Variants in NAA25 observed in about 807,000 individuals in gnomAD.
NAA25 encodes the protein N-alpha-acetyltransferase 25, NatB auxiliary subunit, also known as N-terminal acetyltransferase B complex subunit NAA25.
A neutral mutation model predicts 132.5 loss-of-function variants in NAA25; 30 were observed. That is an observed-to-expected ratio of 0.23 (90% CI 0.17 to 0.31). NAA25 has a LOEUF of 0.31. NAA25 is among the 10% of genes least tolerant of loss of function. The pLI, the probability that NAA25 is intolerant of heterozygous loss-of-function variation, is 1.00. For synonymous variants in NAA25, 359 were observed against 401.9 expected (o/e 0.89, Z 1.28); for missense variants, 771 against 1,150.4 (o/e 0.67, Z 4.77).
intron 21 of NAA25, 185 bp from the exon 22 acceptor site, chr12:112,039,524 G>C: frequency 4.3e-6 from 2 of 469,636 alleles, no homozygotes; most frequent in Non-Finnish European, 7.5e-6. Context: ...ATCATCTCCT[G>C]CTCAGAATAC....
rs752248545 is a variant in NAA25, at chr12:112,078,238, C to T, written c.614G>A (p.Arg205His). Residue 205 changes from arginine to histidine, a missense_variant, in exon 7 of 24, where the codon CGT becomes CAT. Arg to His is a conservative substitution (Grantham distance 29, BLOSUM62 0). Coordinates refer to ENST00000261745, the MANE Select transcript of NAA25 (RefSeq NM_024953.4). ...CAAGGCCTCCTGGTACTTTCCCAAA[C>T]GTTCCAGGATCATATAATAAAGTTC... The part of the protein sequence containing the change: ...EVELYYMILE[R>H]LGKYQEALDV... The T allele has an allele frequency of 1.3e-5, 21 of 1,609,808 alleles. No homozygotes were observed. The highest frequency in any genetic ancestry group is 2.7e-5 in the African/African-American group (2 of 74,640).
chr12:112,047,666 T>C lies in NAA25; in HGVS notation c.2005A>G (p.Arg669Gly). The change falls in exon 17 of 24, where the codon AGG (arginine) becomes GGG (glycine). Residue 669 changes from arginine (R) to glycine (G), a missense_variant and splice_region_variant. Arg to Gly is a moderately radical substitution (Grantham distance 125). This residue lies in a region of NAA25 where 324 missense variants were observed against 400.0 expected (regional missense o/e 0.81). Coordinates refer to ENST00000261745, the MANE Select transcript of NAA25 (RefSeq NM_024953.4). ...NVFFSWDPKD[R>G]DVSEEHKKLS... ...TGCTTGGGGTTAAATTCCAGTTACC[T>C]GTCTTTTGGATCCCAGCTGAAAAAA... 1 of 1,607,934 alleles carries C rather than the reference T, an allele frequency of 6.2e-7. No homozygotes were observed. The highest frequency in any genetic ancestry group is 2.2e-5 in the East Asian group (1 of 44,858).
chr12:112,080,177 A>G (rs754766570), intron 5 of NAA25, among the ~76,000 whole-genome samples: 1 of 146,514 alleles, frequency 6.8e-6, no homozygotes, highest in Non-Finnish European at 1.5e-5. Flanking sequence ...GCTACTCAGG[A>G]GGCTGAGGCA....
At chr12:112,079,256 C>A (rs1367052849) in intron 5 of NAA25, among the ~76,000 whole-genome samples, 1 of 152,096 alleles carries the variant, frequency 6.6e-6, no homozygotes, top group Non-Finnish European at 1.5e-5. Flanking sequence ...TGTAAACAAC[C>A]TTTCAAGGTA....
Position 112,029,498 on chromosome 12 carries a change from G to A in NAA25, c.*33C>T, listed in dbSNP as rs1593735070. The A allele has an allele frequency of 6.2e-7, 1 of 1,613,326 alleles. No homozygotes were observed. Among genetic ancestry groups the A allele is most frequent in the Non-Finnish European group, 8.5e-7 (1 of 1,179,648 alleles). ...TGGGAAGATGGTGTCATATTCTGTT[G>A]CAGAGTCATCAGTGCCCATGATAGA... On this transcript the variant is annotated 3_prime_UTR_variant, in exon 24 of 24. Coordinates refer to ENST00000261745, the MANE Select transcript of NAA25 (RefSeq NM_024953.4).
At chr12:112,093,696 T>C (rs758168307) in intron 1 of NAA25, among the ~76,000 whole-genome samples, 28 of 152,054 alleles carry the variant, frequency 1.8e-4, no homozygotes, top group Non-Finnish European at 2.6e-4. Context: ...CTCTGACAAC[T>C]TAGTGAGACC....
chr12:112,094,694 CAGTCGCCCA>C (rs2079187122), intron 1 of NAA25, among the ~76,000 whole-genome samples: 1 of 152,126 alleles, frequency 6.6e-6, no homozygotes, highest in Non-Finnish European at 1.5e-5. Context: ...GGGTCTTGCT[CAGTCGCCCA>C]AGTTGGAGTG....
At chr12:112,037,195 TATG>T (rs1181402309) in intron 22 of NAA25, among the ~76,000 whole-genome samples, 4 of 149,226 alleles carry the variant, frequency 2.7e-5, no homozygotes, top group African/African-American at 9.8e-5. Context: ...AAATGAAAAT[TATG>T]ATAATGGCTT....
intron 11 of NAA25, among the ~76,000 whole-genome samples, chr12:112,066,362 C>G (rs762619313): frequency 4.6e-5 from 7 of 152,214 alleles, no homozygotes; most frequent in Non-Finnish European, 1.0e-4. Context: ...TCCCTCCCAC[C>G]TGGTTTATCT....
rs956493848 is a variant in NAA25, at chr12:112,047,751, A to G, written c.1920T>C (p.Leu640=). 3.7e-6 allele frequency: 6 copies of G among 1,613,592 alleles called. No individual in the cohort carries two copies. The highest frequency in any genetic ancestry group is 2.5e-6 in the Non-Finnish European group (3 of 1,179,776). The stretch of plus-strand genomic sequence containing the variant: ...ATGGAATGTCATCTTCTTCTGGCCT[A>G]AGGTTCATTGACTTTATACTTTCTG... The part of the protein sequence containing the change: ...SLAESIKSMN[L]RPEEDDIPWE... Residue 640 remains leucine (L), a synonymous_variant, in exon 17 of 24, where the codon CTT becomes CTC. Coordinates refer to ENST00000261745, the MANE Select transcript of NAA25 (RefSeq NM_024953.4).
chr12:112,082,084 C>T (rs1316241954), intron 4 of NAA25, among the ~76,000 whole-genome samples: 1 of 152,024 alleles, frequency 6.6e-6, no homozygotes, highest in African/African-American at 2.4e-5. Context: ...AACCCCATCT[C>T]TACTAAAAAT....
At chr12:112,079,810 C>T (rs1026488584) in intron 5 of NAA25, among the ~76,000 whole-genome samples, 1 of 152,108 alleles carries the variant, frequency 6.6e-6, no homozygotes, top group African/African-American at 2.4e-5. Flanking sequence ...TAAAAGAAGG[C>T]CACCCAGTTC....
chr12:112,047,586 A>G, intron 17 of NAA25, 79 bp downstream of exon 17: 6 of 1,518,524 alleles, frequency 4.0e-6, no homozygotes, highest in Non-Finnish European at 5.4e-6. Flanking sequence ...AGCTGCAGTG[A>G]GCTATGATCT....
intron 13 of NAA25, among the ~76,000 whole-genome samples, chr12:112,055,868 G>T (rs563139049): frequency 6.6e-6 from 1 of 152,278 alleles, no homozygotes; most frequent in East Asian, 1.9e-4. Context: ...CATGCAGTAA[G>T]ATTTTAAGGT....
At chr12:112,077,864 G>A (rs1460428623) in intron 7 of NAA25, among the ~76,000 whole-genome samples, 1 of 151,374 alleles carries the variant, frequency 6.6e-6, no homozygotes, top group Admixed American at 6.6e-5. Flanking sequence ...GGTATATTAT[G>A]TTTTCATTCG....
rs1005068636 is a variant in NAA25 at position 112,068,973 on chromosome 12, C to T, written c.1056G>A (p.Met352Ile). 17 of 1,609,016 alleles carry T rather than the reference C, an allele frequency of 1.1e-5. No homozygotes were observed. The highest frequency in any genetic ancestry group is 1.1e-5 in the Non-Finnish European group (13 of 1,175,852). ...EYKLGDPEEL[M>I]FQYFKKFGDK... ...CGCCAAACTTTTTAAAATACTGGAA[C>T]ATTAATTCTTCTGGATCACCTGGGG... The change falls in exon 11 of 24, where the codon ATG (methionine) becomes ATA (isoleucine). Residue 352 changes from methionine to isoleucine, a missense_variant. Coordinates refer to ENST00000261745, the MANE Select transcript of NAA25 (RefSeq NM_024953.4).
intron 1 of NAA25, among the ~76,000 whole-genome samples, chr12:112,098,774 T>C: frequency 6.6e-6 from 1 of 152,010 alleles, no homozygotes; most frequent in Non-Finnish European, 1.5e-5. Flanking sequence ...TCTTTCTTTC[T>C]TTTTTTTGAG....
At chr12:112,066,596 A>G (rs996039310) in intron 11 of NAA25, among the ~76,000 whole-genome samples, 4 of 152,012 alleles carry the variant, frequency 2.6e-5, no homozygotes, top group African/African-American at 9.6e-5. Context: ...CCACTCAACC[A>G]TTTTTCCCTC....
chr12:112,107,399 G>A (rs1301606686), intron 1 of NAA25, among the ~76,000 whole-genome samples: 2 of 148,998 alleles, frequency 1.3e-5, no homozygotes, highest in Non-Finnish European at 3.0e-5. Context: ...TTTTGTTGTT[G>A]TTGTTGTTAA....
Sources: allele counts gnomAD v4.1 joint callset (sites outside exome capture counted in the v4.1 genomes callset), GRCh38; gene constraint gnomAD v4.1.1; regional missense constraint gnomAD v4.1.1; transcripts MANE v1.5; gene names NCBI Gene and HGNC (gene_info 2026-07-23, HGNC 2026-07-21).